ARK2C: variants seen among roughly 807,000 people sequenced by gnomAD.
The protein encoded by ARK2C is E3 ubiquitin-protein ligase ARK2C.
At chr18:46,334,170 C>T in the ARK2C span, 1 of 643,330 alleles carries the variant, frequency 1.6e-6, no homozygotes, top group Non-Finnish European at 1.9e-6. This position sits in a 1 kb window ranked among gnomAD's most constrained non-coding sequence, Gnocchi z 4.4. Context: ...GCCTCCCGCC[C>T]CGGCGGCTCC....
chr18:46,346,316 A>G, the ARK2C span, among the ~76,000 whole-genome samples: 1 of 152,224 alleles, frequency 6.6e-6, no homozygotes, highest in East Asian at 1.9e-4. Context: ...TGCTGTTTCA[A>G]CCATTTAAAA....
chr18:46,378,244 T>C, the ARK2C span, among the ~76,000 whole-genome samples: 2 of 152,324 alleles, frequency 1.3e-5, no homozygotes, highest in East Asian at 1.9e-4. Context: ...ACCCTGCACA[T>C]GCCCTTGCGT....
the ARK2C span, among the ~76,000 whole-genome samples, chr18:46,391,717 C>T: frequency 0.041 from 6,218 of 151,916 alleles, 133 homozygotes; most frequent in Middle Eastern, 0.054. Context: ...AGTCAGCATC[C>T]TCTGTTCACT....
the ARK2C span, among the ~76,000 whole-genome samples, chr18:46,351,566 C>T: frequency 2.6e-5 from 4 of 152,234 alleles, no homozygotes; most frequent in African/African-American, 9.6e-5. Context: ...TCCTGCTAAG[C>T]CCAGCCCCTT....
At chr18:46,437,672 G>A in the ARK2C span, among the ~76,000 whole-genome samples, 1 of 152,140 alleles carries the variant, frequency 6.6e-6, no homozygotes, top group East Asian at 1.9e-4. Flanking sequence ...GAAGCCTTGG[G>A]GGATACATCC....
the ARK2C span, among the ~76,000 whole-genome samples, chr18:46,354,250 A>G: frequency 2.4e-4 from 37 of 152,234 alleles, no homozygotes; most frequent in African/African-American, 8.7e-4. Context: ...GGTAGCTGTG[A>G]TGTAGGGGAG....
the ARK2C span, among the ~76,000 whole-genome samples, chr18:46,369,541 G>A: frequency 1.3e-5 from 2 of 152,184 alleles, no homozygotes; most frequent in Admixed American, 6.5e-5. Context: ...CTGCTGGTCA[G>A]TGAGGTGTTG....
the ARK2C span, among the ~76,000 whole-genome samples, chr18:46,441,096 C>CT: frequency 6.6e-6 from 1 of 152,310 alleles, no homozygotes; most frequent in East Asian, 1.9e-4. Flanking sequence ...AGTGATCCTC[C>CT]TGCCTCAGCC....
the ARK2C span, among the ~76,000 whole-genome samples, chr18:46,398,460 T>C: frequency 1.3e-5 from 2 of 152,048 alleles, no homozygotes; most frequent in Non-Finnish European, 2.9e-5. Context: ...ACCCCCAAGG[T>C]GCCTGCTGGT....
chr18:46,428,238 G>A, the ARK2C span, among the ~76,000 whole-genome samples: 1,199 of 152,090 alleles, frequency 7.9e-3, 17 homozygotes, highest in African/African-American at 0.028. Flanking sequence ...GTGAAACCCC[G>A]TCTCTACTAA....
At chr18:46,391,000 A>G in the ARK2C span, among the ~76,000 whole-genome samples, 5 of 152,152 alleles carry the variant, frequency 3.3e-5, no homozygotes, top group Admixed American at 1.3e-4. Flanking sequence ...CAGCAAATGA[A>G]ATGGAAATTC....
the ARK2C span, among the ~76,000 whole-genome samples, chr18:46,398,557 T>A: frequency 6.6e-6 from 1 of 151,734 alleles, no homozygotes; most frequent in African/African-American, 2.4e-5. Flanking sequence ...GGCCGGGACT[T>A]TAGTGCTAGA....
chr18:46,443,335 A>G, the ARK2C span, among the ~76,000 whole-genome samples: 1 of 152,004 alleles, frequency 6.6e-6, no homozygotes, highest in African/African-American at 2.4e-5. Flanking sequence ...TTATTTTGGG[A>G]ATTCACTAGG....
At chr18:46,439,798 C>T in the ARK2C span, among the ~76,000 whole-genome samples, 1 of 151,936 alleles carries the variant, frequency 6.6e-6, no homozygotes, top group Non-Finnish European at 1.5e-5. Context: ...CCAGCTATGA[C>T]ATCAACTCAT....
the ARK2C span, among the ~76,000 whole-genome samples, chr18:46,380,803 C>A: frequency 3.3e-5 from 5 of 152,318 alleles, no homozygotes; most frequent in South Asian, 1.0e-3. Flanking sequence ...CTCCCCCAAC[C>A]CCCGGGGCTA....
At chr18:46,359,355 G>C in the ARK2C span, among the ~76,000 whole-genome samples, 1 of 152,172 alleles carries the variant, frequency 6.6e-6, no homozygotes, top group Non-Finnish European at 1.5e-5. Flanking sequence ...GGGAGGCACA[G>C]CTGGGATTTC....
chr18:46,441,292 G>C, the ARK2C span, among the ~76,000 whole-genome samples: 1 of 152,082 alleles, frequency 6.6e-6, no homozygotes. Flanking sequence ...GTGCCCAGAC[G>C]CAGGCTGGTC....
At chr18:46,363,850 G>A in the ARK2C span, among the ~76,000 whole-genome samples, 1 of 151,988 alleles carries the variant, frequency 6.6e-6, no homozygotes, top group African/African-American at 2.4e-5. Flanking sequence ...TTGAGGGTGT[G>A]ACCTCCAGGG....
chr18:46,414,237 C>T, the ARK2C span, among the ~76,000 whole-genome samples: 1 of 152,230 alleles, frequency 6.6e-6, no homozygotes, highest in African/African-American at 2.4e-5. Flanking sequence ...ACCTGCCTGA[C>T]TCTCTGGGCA....
Sources: allele counts gnomAD v4.1 joint callset (sites outside exome capture counted in the v4.1 genomes callset), GRCh38; gene constraint gnomAD v4.1.1; non-coding constraint Gnocchi (gnomAD v3.1); transcripts MANE v1.5; gene names NCBI Gene and HGNC (gene_info 2026-07-23, HGNC 2026-07-21).